Variants in PCNX2 observed in about 807,000 individuals in gnomAD.
The protein encoded by PCNX2 is pecanex 2, also known as pecanex-like protein 2.
PCNX2 carries 168 observed loss-of-function variants against 223.8 expected under a neutral mutation model. The ratio of observed to expected loss-of-function variants is 0.75; its 90% CI spans 0.66 to 0.85. The LOEUF (loss-of-function observed/expected upper bound fraction) is 0.85. Ranked by LOEUF, PCNX2 falls within the 40% of genes least tolerant of loss-of-function variation. The pLI, the probability that PCNX2 is intolerant of heterozygous loss-of-function variation, is 0.00. For missense variants in PCNX2, 2,507 were observed against 2,675.5 expected, an observed-to-expected ratio of 0.94 and a Z score of 1.39; for synonymous variants, 1,006 against 1,052.6, an observed-to-expected ratio of 0.96 and a Z score of 0.86.
intron 13 of PCNX2, among the ~76,000 whole-genome samples, chr1:233,203,597 T>C (rs1289506152): frequency 2.6e-5 from 4 of 152,218 alleles, no homozygotes; most frequent in Non-Finnish European, 5.9e-5. Flanking sequence ...CCTTCTTCCT[T>C]TGAGATGTTT....
At chr1:233,214,509 G>A (rs1176599454) in intron 12 of PCNX2, among the ~76,000 whole-genome samples, 1 of 152,206 alleles carries the variant, frequency 6.6e-6, no homozygotes, top group Non-Finnish European at 1.5e-5. Flanking sequence ...AGCCAGTAGA[G>A]GGGAGGGGGG....
Position 233,288,801 on chromosome 1 carries a change from GC to G in PCNX2, c.153+6524del, listed in dbSNP as rs200721992. The G allele has an allele frequency of 1.4e-3, 945 of 677,828 alleles. 2 individuals carry two copies. Among genetic ancestry groups the G allele is most frequent in the Non-Finnish European group, 1.7e-3 (747 of 427,794 alleles). 42.0% of individuals were successfully genotyped at this position (677,828 alleles called of 1,614,324 possible). On this transcript the variant is annotated intron_variant, in intron 1 of 33. Coordinates refer to ENST00000258229, the MANE Select transcript of PCNX2 (RefSeq NM_014801.4). Reference sequence around the variant, plus strand: ...TGGAGGCCCAGGACCCAGGAAAGATGCCCTTTTTTTTTTTTTTTTTTTTTTA... The same window carrying G: ...TGGAGGCCCAGGACCCAGGAAAGATGCCTTTTTTTTTTTTTTTTTTTTTTA...
rs1414164360 is a variant in PCNX2, at chr1:232,989,466, A to G, written c.5792-2926T>C. Among the ~76,000 whole-genome samples, 4 of 152,024 alleles carry G rather than the reference A, an allele frequency of 2.6e-5. No individual in the cohort carries two copies. The East Asian group carries it at 5.8e-4, about 22-fold the overall frequency. ...GAGACTCCGTCTCAAAAAAAAAAAAACTGCTCACTCTTTGCTACTTGGCTA... is the reference window on the plus strand; with the variant it reads ...GAGACTCCGTCTCAAAAAAAAAAAAGCTGCTCACTCTTTGCTACTTGGCTA... On this transcript the variant is annotated intron_variant, in intron 32 of 33. Transcript: ENST00000258229.
intron 25 of PCNX2, among the ~76,000 whole-genome samples, chr1:233,039,472 A>G (rs1289263521): frequency 6.6e-6 from 1 of 152,212 alleles, no homozygotes; most frequent in African/African-American, 2.4e-5. Context: ...AATATAAGTA[A>G]AGAAACTAAT....
chr1:233,032,742 G>A (rs762939500), intron 25 of PCNX2, among the ~76,000 whole-genome samples: 1 of 152,158 alleles, frequency 6.6e-6, no homozygotes, highest in Non-Finnish European at 1.5e-5. Context: ...AGTAGACTAT[G>A]AGGAACACAC....
At chr1:233,259,637 T>C (rs528192755) in intron 4 of PCNX2, among the ~76,000 whole-genome samples, 1 of 152,140 alleles carries the variant, frequency 6.6e-6, no homozygotes, top group African/African-American at 2.4e-5. Flanking sequence ...CCCCCACCTC[T>C]GACAGGCCCC....
At chr1:233,235,955 AAAAT>A (rs1363478949) in intron 9 of PCNX2, among the ~76,000 whole-genome samples, 8 of 41,498 alleles carry the variant, frequency 1.9e-4, no homozygotes, top group South Asian at 5.7e-4. Flanking sequence ...ATCATAAAAA[AAAAT>A]ATATATATAT....
At chr1:233,151,090 G>A (rs140022165) in intron 19 of PCNX2, among the ~76,000 whole-genome samples, 247 of 152,146 alleles carry the variant, frequency 1.6e-3, no homozygotes, top group African/African-American at 5.4e-3. Flanking sequence ...CATCCTCAAC[G>A]CCCAGAACAG....
intron 23 of PCNX2, among the ~76,000 whole-genome samples, chr1:233,070,595 TGG>T (rs1672810381): frequency 6.6e-6 from 1 of 151,436 alleles, no homozygotes; most frequent in African/African-American, 2.4e-5. Flanking sequence ...CATACTCACA[TGG>T]GAAAGAAGAA....
At chr1:233,063,964 T>C (rs1672497940) in intron 23 of PCNX2, among the ~76,000 whole-genome samples, 2 of 152,174 alleles carry the variant, frequency 1.3e-5, no homozygotes, top group Admixed American at 6.5e-5. Flanking sequence ...TTATAAGCCA[T>C]TTGTTCCAAT....
chr1:233,309,856 C>T, the PCNX2 span, among the ~76,000 whole-genome samples: 6 of 151,516 alleles, frequency 4.0e-5, no homozygotes, highest in East Asian at 1.2e-3. Flanking sequence ...CCAGCCTAGG[C>T]GACAGAGTGA....
chr1:233,089,973 C>A, intron 23 of PCNX2, 88 bp downstream of exon 23: 1 of 1,577,126 alleles, frequency 6.3e-7, no homozygotes. Flanking sequence ...AAGCCTGGAG[C>A]CAGGGACCTC....
intron 21 of PCNX2, among the ~76,000 whole-genome samples, chr1:233,098,989 T>C (rs1462683428): frequency 6.6e-6 from 1 of 152,210 alleles, no homozygotes; most frequent in Admixed American, 6.5e-5. Context: ...AACCTAGTAA[T>C]TTTAGAGCCC....
chr1:233,261,323 T>C lies in PCNX2; in HGVS notation c.481-2A>G, dbSNP rs1473627147. The C allele has an allele frequency of 6.2e-7, 1 of 1,612,722 alleles. No individual in the cohort carries two copies. The highest frequency in any genetic ancestry group is 8.5e-7 in the Non-Finnish European group (1 of 1,179,044). ...TACAGTTTCCTGTGCTGACAACTCC[T>C]ACACAAATGAAAGAAACAAAAATCA... On this transcript the variant is annotated splice_acceptor_variant, in intron 3 of 33. Transcript: ENST00000258229. LOFTEE classifies it high-confidence loss of function.
intron 21 of PCNX2, among the ~76,000 whole-genome samples, chr1:233,123,860 C>T (rs997934876): frequency 5.3e-5 from 8 of 152,172 alleles, no homozygotes; most frequent in African/African-American, 1.4e-4. Flanking sequence ...GCATAGTTCA[C>T]TGAAAAAGAC....
intron 19 of PCNX2, among the ~76,000 whole-genome samples, chr1:233,144,729 TTA>T (rs558068799): frequency 4.4e-3 from 674 of 152,278 alleles, no homozygotes; most frequent in Middle Eastern, 0.02. Context: ...TCCTATTGGA[TTA>T]TATGTCTTTT....
At chr1:233,059,502 C>A (rs1672325161) in intron 23 of PCNX2, among the ~76,000 whole-genome samples, 1 of 152,154 alleles carries the variant, frequency 6.6e-6, no homozygotes. Flanking sequence ...GGTGGCACAG[C>A]CAGAATATGA....
chr1:233,273,655 A>C (rs1293375674), intron 1 of PCNX2, among the ~76,000 whole-genome samples: 1 of 146,204 alleles, frequency 6.8e-6, no homozygotes, highest in African/African-American at 2.6e-5. Flanking sequence ...ATAGAATCTT[A>C]CTCTGTCGCC....
At chr1:233,147,393 TATTC>T (rs1257042729) in intron 19 of PCNX2, among the ~76,000 whole-genome samples, 1 of 152,140 alleles carries the variant, frequency 6.6e-6, no homozygotes, top group Non-Finnish European at 1.5e-5. Flanking sequence ...ATATATTTCC[TATTC>T]ATTAAGTGGA....
Sources: gnomAD v4.1 joint callset for allele counts (sites outside exome capture counted in the v4.1 genomes callset) on GRCh38, gnomAD v4.1.1 for gene constraint, MANE v1.5 for transcripts, NCBI Gene and HGNC (gene_info 2026-07-23, HGNC 2026-07-21) for gene names.